The following MFHAS1 variants were observed in gnomAD, a reference collection of about 807,000 sequenced individuals.
MFHAS1 encodes the protein multifunctional ROCO family signaling regulator 1, also known as malignant fibrous histiocytoma-amplified sequence 1.
Under a neutral mutation model 70.4 loss-of-function variants are expected in MFHAS1, and 50 were observed. The ratio of observed to expected loss-of-function variants is 0.71; its 90% CI spans 0.57 to 0.90. MFHAS1 has a LOEUF of 0.90. Among genes scored for constraint, MFHAS1 ranks in the 40% least tolerant of loss-of-function variants. The pLI, the probability that MFHAS1 is intolerant of heterozygous loss-of-function variation, is 0.00. For synonymous variants in MFHAS1, 952 were observed against 620.0 expected (o/e 1.54, Z -7.96); for missense variants, 1,795 against 1,347.6 (o/e 1.33, Z -5.20).
chr8:8,787,466 C>A (rs955766561), intron 2 of MFHAS1, among the ~76,000 whole-genome samples: 1 of 152,136 alleles, frequency 6.6e-6, no homozygotes, highest in Non-Finnish European at 1.5e-5. Flanking sequence ...CAGAGCCAGG[C>A]CTTTCACTAG....
intron 1 of MFHAS1, among the ~76,000 whole-genome samples, chr8:8,866,469 C>T (rs1351100604): frequency 2.0e-5 from 3 of 152,114 alleles, no homozygotes; most frequent in East Asian, 3.9e-4. Context: ...CAGGCATGCA[C>T]CACCACGCCC....
At chr8:8,794,535 C>T (rs549831641) in intron 2 of MFHAS1, among the ~76,000 whole-genome samples, 4 of 152,230 alleles carry the variant, frequency 2.6e-5, no homozygotes, top group African/African-American at 9.6e-5. Flanking sequence ...CTGGGCAGCT[C>T]GAGCACAGGC....
At chr8:8,842,156 G>A (rs902206897) in intron 1 of MFHAS1, among the ~76,000 whole-genome samples, 2 of 152,064 alleles carry the variant, frequency 1.3e-5, no homozygotes, top group Admixed American at 6.5e-5. Flanking sequence ...ACCTTCTTCC[G>A]GAGAAACTGT....
intron 2 of MFHAS1, among the ~76,000 whole-genome samples, chr8:8,786,935 GCAAAA>G (rs368135873): frequency 0.011 from 1,721 of 151,722 alleles, 19 homozygotes; most frequent in African/African-American, 0.04. Context: ...GCAAAGCAAA[GCAAAA>G]CAAAACAAAA....
At chr8:8,858,024 G>C (rs1787592407) in intron 1 of MFHAS1, among the ~76,000 whole-genome samples, 1 of 152,164 alleles carries the variant, frequency 6.6e-6, no homozygotes, top group Non-Finnish European at 1.5e-5. Flanking sequence ...AAAATGCTCT[G>C]AGACAATGAC....
intron 1 of MFHAS1, among the ~76,000 whole-genome samples, chr8:8,868,182 G>A (rs945302800): frequency 2.6e-5 from 4 of 151,864 alleles, no homozygotes; most frequent in African/African-American, 4.8e-5. Flanking sequence ...TTGCTGCAAG[G>A]CCTCTGGAAA....
chr8:8,868,260 T>G (rs1267969653), intron 1 of MFHAS1, among the ~76,000 whole-genome samples: 1 of 151,864 alleles, frequency 6.6e-6, no homozygotes. Context: ...ATGTAAACTC[T>G]AGATGTTATC....
chr8:8,828,912 T>G (rs1273020762), intron 1 of MFHAS1, among the ~76,000 whole-genome samples: 1 of 152,142 alleles, frequency 6.6e-6, no homozygotes, highest in Non-Finnish European at 1.5e-5. Flanking sequence ...TTCATGTCTT[T>G]CCTTTAGATC....
intron 1 of MFHAS1, among the ~76,000 whole-genome samples, chr8:8,855,933 G>C (rs1055158103): frequency 1.3e-5 from 2 of 152,214 alleles, no homozygotes; most frequent in African/African-American, 4.8e-5. Flanking sequence ...GTAATGTGAA[G>C]GGGGTTATAA....
At chr8:8,874,091 C>T (rs1281628013) in intron 1 of MFHAS1, among the ~76,000 whole-genome samples, 1 of 152,070 alleles carries the variant, frequency 6.6e-6, no homozygotes, top group Non-Finnish European at 1.5e-5. Flanking sequence ...TTAGGTCCCA[C>T]CACTTTGATT....
At chr8:8,817,859 G>A (rs1401654949) in intron 1 of MFHAS1, among the ~76,000 whole-genome samples, 4 of 152,200 alleles carry the variant, frequency 2.6e-5, no homozygotes, top group African/African-American at 9.7e-5. Context: ...GATCGGACAG[G>A]AGGCAGAGCT....
chr8:8,843,196 G>T (rs1266339390), intron 1 of MFHAS1, among the ~76,000 whole-genome samples: 2 of 151,124 alleles, frequency 1.3e-5, no homozygotes, highest in Non-Finnish European at 2.9e-5. Flanking sequence ...GTGAACCCCG[G>T]AAGCGGAGCT....
At chr8:8,877,261 C>T (rs1437602817) in intron 1 of MFHAS1, among the ~76,000 whole-genome samples, 1 of 145,100 alleles carries the variant, frequency 6.9e-6, no homozygotes, top group African/African-American at 2.6e-5. Flanking sequence ...GACTGTGCCA[C>T]TGCACACTCC....
intron 1 of MFHAS1, among the ~76,000 whole-genome samples, chr8:8,837,039 C>A (rs1038499688): frequency 6.6e-6 from 1 of 152,128 alleles, no homozygotes; most frequent in Non-Finnish European, 1.5e-5. Flanking sequence ...TGGATTGGGA[C>A]GTGCAATGGC....
chr8:8,839,220 A>G (rs555717876), intron 1 of MFHAS1, among the ~76,000 whole-genome samples: 26 of 152,330 alleles, frequency 1.7e-4, no homozygotes, highest in African/African-American at 6.3e-4. Flanking sequence ...ACTTGCTGCA[A>G]AAACTGACTG....
At chr8:8,847,112 A>G (rs111619586) in intron 1 of MFHAS1, among the ~76,000 whole-genome samples, 2 of 152,190 alleles carry the variant, frequency 1.3e-5, no homozygotes, top group Non-Finnish European at 2.9e-5. Context: ...AACACCAATG[A>G]TATTTTTCGT....
At chr8:8,825,747 G>A (rs191639264) in intron 1 of MFHAS1, among the ~76,000 whole-genome samples, 1 of 152,134 alleles carries the variant, frequency 6.6e-6, no homozygotes, top group Non-Finnish European at 1.5e-5. Flanking sequence ...ACCTTCTGGA[G>A]ATTAAGATTT....
intron 1 of MFHAS1, among the ~76,000 whole-genome samples, chr8:8,859,015 T>C (rs1035852890): frequency 3.9e-5 from 6 of 152,118 alleles, no homozygotes; most frequent in Admixed American, 2.0e-4. Context: ...CACACACACA[T>C]AAAGATTCTT....
intron 1 of MFHAS1, among the ~76,000 whole-genome samples, chr8:8,838,202 G>A (rs917750568): frequency 2.0e-5 from 3 of 152,202 alleles, no homozygotes; most frequent in Admixed American, 2.0e-4. Flanking sequence ...AGACAAGGCA[G>A]ATCTAATCTA....
Sources: allele counts gnomAD v4.1 joint callset (sites outside exome capture counted in the v4.1 genomes callset), GRCh38; gene constraint gnomAD v4.1.1; transcripts MANE v1.5; gene names NCBI Gene and HGNC (gene_info 2026-07-23, HGNC 2026-07-21).